The following RABGAP1L variants were observed in gnomAD, a reference collection of about 807,000 sequenced individuals.
The protein encoded by RABGAP1L is RAB GTPase activating protein 1 like, also known as rab GTPase-activating protein 1-like.
Under a neutral mutation model 137.7 loss-of-function variants are expected in RABGAP1L, and 63 were observed. The observed-to-expected ratio is 0.46, with a 90% CI of 0.37 to 0.56. The LOEUF (loss-of-function observed/expected upper bound fraction) is 0.56, where lower values mean the gene tolerates loss of function less well. Among genes scored for constraint, RABGAP1L ranks in the 20% least tolerant of loss-of-function variants. The pLI is 0.00. For missense variants in RABGAP1L, 1,095 were observed against 1,244.0 expected (o/e 0.88, Z 1.80); for synonymous variants, 431 against 433.7 (o/e 0.99, Z 0.08).
At chr1:174,371,237 G>T (rs2149000044) in intron 12 of RABGAP1L, among the ~76,000 whole-genome samples, 165 bp downstream of exon 12, 1 of 151,964 alleles carries the variant, frequency 6.6e-6, no homozygotes, top group Non-Finnish European at 1.5e-5. Flanking sequence ...ATAATTTATA[G>T]ATACTCTTTA....
At chr1:174,937,523 C>G (rs1209918322) in intron 19 of RABGAP1L, among the ~76,000 whole-genome samples, 1 of 143,354 alleles carries the variant, frequency 7.0e-6, no homozygotes, top group Admixed American at 7.0e-5. Flanking sequence ...TAACCTCAGG[C>G]GATCCACCTG....
rs183862142 is a variant in RABGAP1L, at chr1:174,308,512, C to A, written c.1465+3385C>A. Among the ~76,000 whole-genome samples the A allele has an allele frequency of 5.3e-5, 8 of 151,988 alleles. No homozygotes were observed. In the East Asian group the frequency reaches 1.5e-3, roughly 29 times the overall value. ...TTTCTTCTAGTAGTTTAATTTAAGT[C>A]TTTAATCCATTTTTAGTTTATTTTT... On this transcript the variant is annotated intron_variant, in intron 11 of 25. Transcript: ENST00000681986.
intron 12 of RABGAP1L, among the ~76,000 whole-genome samples, chr1:174,376,785 G>C (rs916804781): frequency 6.6e-6 from 1 of 152,084 alleles, no homozygotes; most frequent in Non-Finnish European, 1.5e-5. Flanking sequence ...TCCCAAAACT[G>C]GGAATAAGGT....
At chr1:174,598,710 T>C (rs1440543271) in intron 13 of RABGAP1L, among the ~76,000 whole-genome samples, 2 of 152,196 alleles carry the variant, frequency 1.3e-5, no homozygotes, top group Non-Finnish European at 2.9e-5. Context: ...TTATCTGATA[T>C]AAGTGTAGCT....
chr1:174,967,304 T>G (rs924381421), intron 20 of RABGAP1L, among the ~76,000 whole-genome samples: 2 of 150,754 alleles, frequency 1.3e-5, no homozygotes, highest in African/African-American at 4.9e-5. Context: ...GCTGGGATCA[T>G]GTGTGCACAC....
intron 13 of RABGAP1L, among the ~76,000 whole-genome samples, chr1:174,441,856 T>C (rs1654196171): frequency 6.6e-6 from 1 of 151,088 alleles, no homozygotes; most frequent in Non-Finnish European, 1.5e-5. Context: ...TTTTTAAAGT[T>C]GGTGGAAAGA....
intron 19 of RABGAP1L, among the ~76,000 whole-genome samples, chr1:174,862,196 C>T (rs1156805364): frequency 6.6e-6 from 1 of 152,132 alleles, no homozygotes; most frequent in Non-Finnish European, 1.5e-5. Flanking sequence ...ATTGGAGGGA[C>T]TATCCTTTCC....
intron 19 of RABGAP1L, among the ~76,000 whole-genome samples, chr1:174,894,547 A>C (rs1656808021): frequency 6.6e-6 from 1 of 152,206 alleles, no homozygotes; most frequent in Non-Finnish European, 1.5e-5. Flanking sequence ...AATATATTTT[A>C]TCTAAGAGGG....
At position 174,687,765 on chromosome 1, in the gene RABGAP1L, G is replaced by T. The variant is rs893777699; in HGVS notation, c.1899+4169G>T. On this transcript the variant is annotated intron_variant, in intron 15 of 25. Coordinates refer to ENST00000681986, the MANE Select transcript of RABGAP1L (RefSeq NM_001366446.1). The stretch of plus-strand genomic sequence containing the variant: ...GGAAGCTCCATATTAATCACTGTGA[G>T]AGCCTGCTTCCTTTTGGGTTCTGTC... Among the ~76,000 whole-genome samples, 6 of 152,276 alleles carry T rather than the reference G, an allele frequency of 3.9e-5. No individual in the cohort carries two copies. The East Asian group carries it at 9.6e-4, about 24-fold the overall frequency.
chr1:174,371,605 T>G (rs1259329746), intron 12 of RABGAP1L, among the ~76,000 whole-genome samples: 2 of 152,256 alleles, frequency 1.3e-5, no homozygotes, highest in East Asian at 3.9e-4. Flanking sequence ...TTTATTATAT[T>G]AAGTACTTTT....
chr1:174,305,076 C>G lies in RABGAP1L; in HGVS notation c.1414C>G (p.Pro472Ala). 3 of 1,556,386 alleles carry G rather than the reference C, an allele frequency of 1.9e-6. No homozygotes were observed. The highest frequency in any genetic ancestry group is 2.6e-6 in the Non-Finnish European group (3 of 1,157,834). ...RESDKEEPVT[P>A]TSGGGPMSPQ... Reference sequence around the variant, plus strand: ...GTCTGACAAGGAGGAACCAGTCACTCCTACTAGTGGAGGGGGTCCAATGTC... The same window carrying G: ...GTCTGACAAGGAGGAACCAGTCACTGCTACTAGTGGAGGGGGTCCAATGTC... Residue 472 changes from proline to alanine, a missense_variant, in exon 11 of 26, where the codon CCT becomes GCT. Pro to Ala is a conservative substitution (Grantham distance 27). Transcript: ENST00000681986.
chr1:174,317,311 G>A (rs569042753), intron 11 of RABGAP1L, among the ~76,000 whole-genome samples: 5 of 152,190 alleles, frequency 3.3e-5, no homozygotes, highest in Admixed American at 1.3e-4. Flanking sequence ...TGTAGTACCT[G>A]GGTATCACTG....
intron 12 of RABGAP1L, among the ~76,000 whole-genome samples, chr1:174,388,696 A>G (rs948929494): frequency 2.0e-5 from 3 of 152,138 alleles, no homozygotes; most frequent in Non-Finnish European, 4.4e-5. Flanking sequence ...AACTTAAAAA[A>G]GTTTAAAGAC....
intron 14 of RABGAP1L, among the ~76,000 whole-genome samples, chr1:174,659,495 T>C (rs1470220099): frequency 1.3e-5 from 2 of 152,198 alleles, no homozygotes; most frequent in African/African-American, 4.8e-5. Flanking sequence ...TCACTTGGCT[T>C]CTACTACTTT....
At chr1:174,380,046 C>T (rs1270940634) in intron 12 of RABGAP1L, among the ~76,000 whole-genome samples, 21 of 137,144 alleles carry the variant, frequency 1.5e-4, no homozygotes, top group African/African-American at 5.3e-4. Context: ...TTGAGATAAT[C>T]ATGTGGTTTT....
intron 17 of RABGAP1L, among the ~76,000 whole-genome samples, chr1:174,728,139 T>C (rs548702157): frequency 6.6e-6 from 1 of 152,366 alleles, no homozygotes; most frequent in Non-Finnish European, 1.5e-5. Flanking sequence ...AATATTTAAT[T>C]GGTATCCATT....
intron 13 of RABGAP1L, among the ~76,000 whole-genome samples, chr1:174,502,576 GTATATATA>G (rs60045454): frequency 7.7e-6 from 1 of 129,074 alleles, no homozygotes; most frequent in Non-Finnish European, 1.6e-5. Context: ...AAAGTACACG[GTATATATA>G]TATATATATA....
intron 4 of RABGAP1L, among the ~76,000 whole-genome samples, chr1:174,239,773 G>T (rs1311520562): frequency 6.6e-6 from 1 of 152,170 alleles, no homozygotes; most frequent in Non-Finnish European, 1.5e-5. Context: ...AAGCAGACCA[G>T]GTCAAGGAAA....
At chr1:174,890,329 A>G (rs558251065) in intron 19 of RABGAP1L, among the ~76,000 whole-genome samples, 17 of 152,126 alleles carry the variant, frequency 1.1e-4, no homozygotes, top group African/African-American at 3.4e-4. Context: ...GGGATATTCT[A>G]TCTGCTTTTC....
Sources: allele counts gnomAD v4.1 joint callset (sites outside exome capture counted in the v4.1 genomes callset), GRCh38; gene constraint gnomAD v4.1.1; transcripts MANE v1.5; gene names NCBI Gene and HGNC (gene_info 2026-07-23, HGNC 2026-07-21).